RAP1GAP2: variants seen among roughly 807,000 people sequenced by gnomAD.
RAP1GAP2 encodes the protein rap1 GTPase-activating protein 2.
In RAP1GAP2, 27 loss-of-function variants were observed where a neutral mutation model predicts 95.0. That is an observed-to-expected ratio of 0.28 (90% CI 0.21 to 0.39). The LOEUF (loss-of-function observed/expected upper bound fraction) is 0.39, where lower values mean the gene tolerates loss of function less well. Among genes scored for constraint, RAP1GAP2 ranks in the 10% least tolerant of loss-of-function variants. The probability of loss-of-function intolerance (pLI) is 1.00; values close to 1 mark genes in which losing one functional copy is unlikely to be tolerated. For synonymous variants in RAP1GAP2, 373 were observed against 380.9 expected, an observed-to-expected ratio of 0.98 and a Z score of 0.24; for missense variants, 771 against 970.0, an observed-to-expected ratio of 0.79 and a Z score of 2.72.
chr17:2,854,062 G>A, intron 2 of RAP1GAP2: 1 of 985,316 alleles, frequency 1.0e-6, no homozygotes, highest in Non-Finnish European at 1.2e-6. Context: ...GGTGCTCATC[G>A]GACTCCTGCA....
intron 4 of RAP1GAP2, among the ~76,000 whole-genome samples, chr17:2,959,042 A>G (rs2044217805): frequency 6.6e-6 from 1 of 152,160 alleles, no homozygotes; most frequent in Non-Finnish European, 1.5e-5. Flanking sequence ...GAGATGGTAT[A>G]TAATCAAGTG....
At chr17:2,804,551 G>A (rs561239235) in intron 2 of RAP1GAP2, among the ~76,000 whole-genome samples, 2 of 152,306 alleles carry the variant, frequency 1.3e-5, no homozygotes, top group South Asian at 4.1e-4. Context: ...GTTCTCAGGG[G>A]CTGTGTATAT....
chr17:2,870,119 CTT>C lies in RAP1GAP2; in HGVS notation c.81-35151_81-35150del, dbSNP rs1218487336. Reference sequence around the variant, plus strand: ...GCACTCTGTGCTGCTGCTTGACAATCTTTTTTTTTTTTTTTGGAGATGGAGTC... The same window carrying C: ...GCACTCTGTGCTGCTGCTTGACAATCTTTTTTTTTTTTTGGAGATGGAGTC... On this transcript the variant is annotated intron_variant, in intron 2 of 24. Transcript: ENST00000254695. This position sits in a 1 kb window ranked among gnomAD's most constrained non-coding sequence, Gnocchi z 4.4. 9.1e-3 allele frequency among the ~76,000 whole-genome samples: 1,278 copies of C among 141,072 alleles called. 19 individuals carry two copies. The highest frequency in any genetic ancestry group is 0.03 in the African/African-American group (1,174 of 38,698). 92.5% of individuals were successfully genotyped at this position (141,072 alleles called of 152,430 possible).
rs2072786705 is a variant in RAP1GAP2 at position 2,870,207 on chromosome 17, C to T, written c.81-35077C>T. 2.0e-5 allele frequency among the ~76,000 whole-genome samples: 3 copies of T among 151,860 alleles called. No individual in the cohort carries two copies. The highest frequency in any genetic ancestry group is 7.3e-5 in the African/African-American group (3 of 41,294). Reference sequence around the variant, plus strand: ...ATCTCGGCTCACTGTAACCTCCCTCCCAAGTTCAAGTGATTCTCCTTGCCT... The same window carrying T: ...ATCTCGGCTCACTGTAACCTCCCTCTCAAGTTCAAGTGATTCTCCTTGCCT... On this transcript the variant is annotated intron_variant, in intron 2 of 24. Transcript: ENST00000254695. This position sits in a 1 kb window ranked among gnomAD's most constrained non-coding sequence, Gnocchi z 4.4.
chr17:3,009,963 A>C (rs2046464565), intron 17 of RAP1GAP2, among the ~76,000 whole-genome samples: 1 of 144,644 alleles, frequency 6.9e-6, no homozygotes, highest in South Asian at 2.2e-4. Context: ...CAGGCTCTAG[A>C]CTTCCTTCCA....
chr17:3,022,511 G>C (rs771591113), intron 19 of RAP1GAP2, among the ~76,000 whole-genome samples: 8 of 152,088 alleles, frequency 5.3e-5, no homozygotes, highest in Non-Finnish European at 1.0e-4. Flanking sequence ...TGATATACTT[G>C]TTTGCTATTT....
intron 10 of RAP1GAP2, 50 bp downstream of exon 10, chr17:2,981,298 T>C (rs1295736255): frequency 6.6e-7 from 1 of 1,521,888 alleles, no homozygotes; most frequent in Non-Finnish European, 9.0e-7. Flanking sequence ...TTGGCAAGGA[T>C]TTGCAGACCT....
chr17:2,934,195 G>A (rs971030236), intron 3 of RAP1GAP2, among the ~76,000 whole-genome samples: 8 of 152,162 alleles, frequency 5.3e-5, no homozygotes, highest in African/African-American at 1.7e-4. Flanking sequence ...GCAATGGCAC[G>A]ATCTCGGCTC....
At chr17:2,883,223 C>G (rs1043632286) in intron 2 of RAP1GAP2, among the ~76,000 whole-genome samples, 4 of 152,214 alleles carry the variant, frequency 2.6e-5, no homozygotes, top group Admixed American at 2.0e-4. Context: ...GAGGGCTGCA[C>G]TGTGAGCTCT....
chr17:2,854,272 G>T (rs1056402886), intron 2 of RAP1GAP2, among the ~76,000 whole-genome samples: 6 of 152,198 alleles, frequency 3.9e-5, no homozygotes, highest in Non-Finnish European at 1.5e-5. Flanking sequence ...GACCCTGGCT[G>T]GTGCGAGGAG....
At chr17:2,988,973 C>A (rs1017559794) in intron 11 of RAP1GAP2, among the ~76,000 whole-genome samples, 2 of 151,950 alleles carry the variant, frequency 1.3e-5, no homozygotes, top group African/African-American at 4.8e-5. Flanking sequence ...GCAGGAGAAT[C>A]GCTTGAACCT....
chr17:3,010,715 A>G (rs1331286046), intron 17 of RAP1GAP2, among the ~76,000 whole-genome samples: 1 of 152,158 alleles, frequency 6.6e-6, no homozygotes, highest in Non-Finnish European at 1.5e-5. Flanking sequence ...ACACTTTAAG[A>G]CTTTATCACG....
intron 3 of RAP1GAP2, among the ~76,000 whole-genome samples, chr17:2,943,252 G>A (rs1345773653): frequency 6.6e-6 from 1 of 152,000 alleles, no homozygotes; most frequent in African/African-American, 2.4e-5. Context: ...ACAATCAACA[G>A]GGTGGAAAGG....
chr17:2,792,815 G>T (rs1386070264), upstream of RAP1GAP2, among the ~76,000 whole-genome samples: 1 of 152,228 alleles, frequency 6.6e-6, no homozygotes, highest in Non-Finnish European at 1.5e-5. Context: ...CCCCTTCCCT[G>T]TCTCCAGGCT....
chr17:2,853,892 G>C, intron 2 of RAP1GAP2: 1 of 977,288 alleles, frequency 1.0e-6, no homozygotes, highest in African/African-American at 1.8e-5. Flanking sequence ...GCGAGGCGGA[G>C]GCCGGGGGCC....
rs34227127 is a variant in RAP1GAP2, at chr17:2,911,260, A to ATTTT, written c.165+5901_165+5904dup. Among the ~76,000 whole-genome samples the ATTTT allele has an allele frequency of 7.5e-3, 991 of 132,020 alleles. 13 individuals are homozygous for ATTTT. The highest frequency in any genetic ancestry group is 0.011 in the Non-Finnish European group (712 of 64,276). The allele number at this position is 132,020 out of a possible 152,430, so 86.6% of individuals were successfully genotyped here. On this transcript the variant is annotated intron_variant, in intron 3 of 24. Transcript: ENST00000254695. ...CTCTTTGCTGTTTGTTTTGAAGGGGATTTTTTTTTTTTGCTAATATGAAGC... is the reference window on the plus strand; with the variant it reads ...CTCTTTGCTGTTTGTTTTGAAGGGGATTTTTTTTTTTTTTTTGCTAATATGAAGC...
At chr17:2,787,811 C>T (rs1029564157) in intron 1 of RAP1GAP2, among the ~76,000 whole-genome samples, 13 of 152,194 alleles carry the variant, frequency 8.5e-5, no homozygotes, top group Admixed American at 6.5e-5. Context: ...TCGTGATCTG[C>T]CCGCCTCGGC....
At chr17:3,013,627 CTTTTCTTTTT>C (rs1208195748) in intron 17 of RAP1GAP2, among the ~76,000 whole-genome samples, 10 of 78,932 alleles carry the variant, frequency 1.3e-4, no homozygotes, top group East Asian at 3.4e-4. Context: ...CTTTTCTTTT[CTTTTCTTTTT>C]TTTTTTTTTT....
intron 8 of RAP1GAP2, among the ~76,000 whole-genome samples, chr17:2,976,941 C>T (rs1326969099): frequency 2.6e-5 from 4 of 151,858 alleles, no homozygotes; most frequent in African/African-American, 7.3e-5. Context: ...TCAAGACCAG[C>T]CTGGCCAACA....
Sources: allele counts gnomAD v4.1 joint callset (sites outside exome capture counted in the v4.1 genomes callset), GRCh38; gene constraint gnomAD v4.1.1; non-coding constraint Gnocchi (gnomAD v3.1); transcripts MANE v1.5; gene names NCBI Gene and HGNC (gene_info 2026-07-23, HGNC 2026-07-21).